The following ERC1 variants were observed in gnomAD, a reference collection of about 807,000 sequenced individuals.
The protein encoded by ERC1 is RAB6 interacting protein 2.
Under a neutral mutation model 132.0 loss-of-function variants are expected in ERC1, and 56 were observed. The observed-to-expected ratio is 0.42, with a 90% CI of 0.34 to 0.53. The LOEUF (loss-of-function observed/expected upper bound fraction) is 0.53, where lower values mean the gene tolerates loss of function less well. Among genes scored for constraint, ERC1 ranks in the 20% least tolerant of loss-of-function variants. The pLI, the probability that ERC1 is intolerant of heterozygous loss-of-function variation, is 0.03. For missense variants in ERC1, 1,202 were observed against 1,349.9 expected (o/e 0.89, Z 1.72); for synonymous variants, 478 against 476.1 (o/e 1.00, Z -0.05).
intron 8 of ERC1, among the ~76,000 whole-genome samples, chr12:1,155,043 C>T (rs1410896482): frequency 2.6e-5 from 4 of 152,096 alleles, no homozygotes; most frequent in Non-Finnish European, 4.4e-5. Context: ...TCAGGCTGGG[C>T]GTAGTGGCTC....
chr12:1,028,632 T>A, intron 2 of ERC1, 60 bp downstream of exon 2: 2 of 1,315,974 alleles, frequency 1.5e-6, no homozygotes, highest in Non-Finnish European at 2.1e-6. Context: ...TGAAATAGCC[T>A]TTTTTTCCCC....
At chr12:1,247,345 T>C (rs985699533) in intron 13 of ERC1, among the ~76,000 whole-genome samples, 15 of 152,196 alleles carry the variant, frequency 9.9e-5, no homozygotes, top group African/African-American at 3.6e-4. Flanking sequence ...ATTGTACCAG[T>C]GTTAATTTCC....
chr12:1,267,583 G>T (rs1218656515), intron 14 of ERC1, among the ~76,000 whole-genome samples: 1 of 152,124 alleles, frequency 6.6e-6, no homozygotes, highest in East Asian at 1.9e-4. Context: ...ACAATGCGAG[G>T]CCTCGTCTCT....
intron 3 of ERC1, among the ~76,000 whole-genome samples, chr12:1,093,957 C>CTATATAAATA (rs1943619215): frequency 1.5e-5 from 1 of 68,910 alleles, no homozygotes; most frequent in African/African-American, 4.6e-5. Context: ...ATATATTTTT[C>CTATATAAATA]TATATATATA....
intron 17 of ERC1, among the ~76,000 whole-genome samples, chr12:1,425,816 A>C (rs2092617322): frequency 6.6e-6 from 1 of 152,214 alleles, no homozygotes; most frequent in South Asian, 2.1e-4. Flanking sequence ...TCCAAGAAAA[A>C]TGTAGACACC....
At chr12:1,122,571 GTCTCTA>G (rs1308276927) in intron 7 of ERC1, among the ~76,000 whole-genome samples, 1 of 4,118 alleles carries the variant, frequency 2.4e-4, no homozygotes, top group African/African-American at 8.8e-4. Context: ...CTCTATCTGT[GTCTCTA>G]TCTCTATCTC....
At chr12:1,260,583 G>A (rs1187751478) in intron 13 of ERC1, among the ~76,000 whole-genome samples, 2 of 152,186 alleles carry the variant, frequency 1.3e-5, no homozygotes, top group African/African-American at 4.8e-5. Context: ...GGAGATTCAA[G>A]CTGTGGTTCA....
At chr12:1,373,102 G>A (rs2087440902) in intron 16 of ERC1, among the ~76,000 whole-genome samples, 1 of 152,004 alleles carries the variant, frequency 6.6e-6, no homozygotes, top group African/African-American at 2.4e-5. Context: ...ACTTTTCCAG[G>A]GTCCTAAAAT....
chr12:1,484,076 CG>C (rs373928731), intron 18 of ERC1, among the ~76,000 whole-genome samples: 2 of 150,908 alleles, frequency 1.3e-5, no homozygotes, highest in Admixed American at 1.3e-4. Context: ...GAGGCTGAGG[CG>C]GGCGGATCAC....
chr12:1,134,186 C>T (rs1370394734), intron 7 of ERC1, among the ~76,000 whole-genome samples: 3 of 152,040 alleles, frequency 2.0e-5, no homozygotes, highest in South Asian at 2.1e-4. Flanking sequence ...AGCTAGTCTC[C>T]TCGTGCACCC....
chr12:991,029 C>T (rs1376769104), upstream of ERC1: 2 of 152,008 alleles, frequency 1.3e-5, no homozygotes, highest in South Asian at 2.1e-4. Context: ...GCGCCGATTT[C>T]CCCCGCTTCC....
intron 16 of ERC1, among the ~76,000 whole-genome samples, chr12:1,403,072 A>G (rs2091207921): frequency 6.6e-6 from 1 of 152,240 alleles, no homozygotes; most frequent in African/African-American, 2.4e-5. Flanking sequence ...GGACATTGAC[A>G]TTTTTGTCGT....
intron 2 of ERC1, among the ~76,000 whole-genome samples, chr12:1,075,006 A>G (rs1191712597): frequency 1.3e-5 from 2 of 151,894 alleles, no homozygotes; most frequent in South Asian, 2.1e-4. Context: ...TTGGTTTAAT[A>G]TTTGAGGGCT....
At chr12:1,143,632 C>T (rs1950067902) in intron 8 of ERC1, among the ~76,000 whole-genome samples, 2 of 149,620 alleles carry the variant, frequency 1.3e-5, no homozygotes, top group African/African-American at 4.9e-5. Flanking sequence ...TTAGAATCAG[C>T]TTTTATCATC....
intron 17 of ERC1, among the ~76,000 whole-genome samples, chr12:1,424,687 T>G (rs1298317893): frequency 6.6e-6 from 1 of 152,138 alleles, no homozygotes; most frequent in Non-Finnish European, 1.5e-5. Context: ...GTAAACAAAC[T>G]AAAAATGGTT....
intron 16 of ERC1, among the ~76,000 whole-genome samples, chr12:1,378,898 A>G (rs147274606): frequency 2.6e-5 from 4 of 152,316 alleles, no homozygotes; most frequent in East Asian, 1.9e-4. Context: ...TTTTATACCT[A>G]TGATTCCCAT....
intron 3 of ERC1, among the ~76,000 whole-genome samples, chr12:1,100,946 G>C (rs1428670706): frequency 6.6e-6 from 1 of 152,088 alleles, no homozygotes; most frequent in Non-Finnish European, 1.5e-5. Context: ...GAAAAGCTTA[G>C]GGTAAGATAG....
chr12:1,233,676 T>C (rs1182608495), intron 12 of ERC1, among the ~76,000 whole-genome samples: 1 of 152,090 alleles, frequency 6.6e-6, no homozygotes, highest in African/African-American at 2.4e-5. Flanking sequence ...TTGAATTTCA[T>C]CATGAAGAAG....
At position 1,373,000 on chromosome 12, in the gene ERC1, T is replaced by C. The variant is rs148947559; in HGVS notation, c.2925+1023T>C. 7.1e-3 allele frequency among the ~76,000 whole-genome samples: 1,075 copies of C among 152,352 alleles called. 6 individuals are homozygous for C. Among genetic ancestry groups the C allele is most frequent in the African/African-American group, 0.022 (928 of 41,582 alleles). ...TTATATGTATTTATGTTGCACACTTTGCTGAGAAAATACCAAAAGATGTCT... is the reference window on the plus strand; with the variant it reads ...TTATATGTATTTATGTTGCACACTTCGCTGAGAAAATACCAAAAGATGTCT... On this transcript the variant is annotated intron_variant, in intron 16 of 18. Transcript: ENST00000360905.
Sources: allele counts gnomAD v4.1 joint callset (sites outside exome capture counted in the v4.1 genomes callset), GRCh38; gene constraint gnomAD v4.1.1; transcripts MANE v1.5; gene names NCBI Gene and HGNC (gene_info 2026-07-23, HGNC 2026-07-21).